Variants in PTPRD observed in about 807,000 individuals in gnomAD.
PTPRD encodes the protein protein tyrosine phosphatase receptor type D.
PTPRD carries 34 observed loss-of-function variants against 214.5 expected under a neutral mutation model. The observed-to-expected ratio is 0.16, with a 90% CI of 0.12 to 0.21. The LOEUF (loss-of-function observed/expected upper bound fraction) is 0.21, where lower values mean the gene tolerates loss of function less well. Ranked by LOEUF, PTPRD falls within the 10% of genes least tolerant of loss-of-function variation. The pLI is 1.00. For missense variants in PTPRD, 2,545 were observed against 2,398.7 expected, an observed-to-expected ratio of 1.06 and a Z score of -1.27; for synonymous variants, 1,128 against 845.7, an observed-to-expected ratio of 1.33 and a Z score of -5.79.
At chr9:10,489,449 C>T (rs2099153736) in intron 2 of PTPRD, among the ~76,000 whole-genome samples, 2 of 152,144 alleles carry the variant, frequency 1.3e-5, no homozygotes, top group South Asian at 4.1e-4. Context: ...TGACAGCAAT[C>T]CCTTAGCTGA....
intron 10 of PTPRD, among the ~76,000 whole-genome samples, chr9:9,031,331 G>C (rs2099604717): frequency 1.3e-5 from 2 of 152,100 alleles, no homozygotes; most frequent in African/African-American, 2.4e-5. Context: ...CGCATTGTTA[G>C]GCAATTCTGT....
intron 2 of PTPRD, among the ~76,000 whole-genome samples, chr9:10,387,095 C>G (rs1184233719): frequency 6.6e-6 from 1 of 151,828 alleles, no homozygotes; most frequent in Non-Finnish European, 1.5e-5. Flanking sequence ...TCGCAAGAAT[C>G]TCCAGAAAGG....
intron 5 of PTPRD, among the ~76,000 whole-genome samples, chr9:9,827,933 G>A (rs1276978758): frequency 2.6e-5 from 4 of 152,150 alleles, no homozygotes; most frequent in African/African-American, 9.7e-5. Flanking sequence ...TCAGAGAAAT[G>A]CAAATCAAAA....
chr9:9,056,857 C>A (rs1286914894), intron 10 of PTPRD, among the ~76,000 whole-genome samples: 1 of 152,156 alleles, frequency 6.6e-6, no homozygotes, highest in Non-Finnish European at 1.5e-5. Flanking sequence ...TTCTGGTATG[C>A]ATATTAGGGA....
At chr9:9,187,310 T>C (rs1046891588) in intron 9 of PTPRD, among the ~76,000 whole-genome samples, 2 of 152,084 alleles carry the variant, frequency 1.3e-5, no homozygotes, top group African/African-American at 4.8e-5. Context: ...TGTTTGCACA[T>C]ACTTCTCATT....
Position 9,557,856 on chromosome 9 carries a change from T to C in PTPRD, c.-237+16876A>G, listed in dbSNP as rs994632334. Among the ~76,000 whole-genome samples the C allele has an allele frequency of 6.6e-5, 10 of 152,278 alleles. No individual in the cohort carries two copies. The East Asian group carries it at 1.9e-3, about 29-fold the overall frequency. ...GTGGGTGGATGGGCAGAAAGAACAC[T>C]CAGGGGCTATAGGCAGGTGAATATG... On this transcript the variant is annotated intron_variant, in intron 8 of 45. Coordinates refer to ENST00000381196, the MANE Select transcript of PTPRD (RefSeq NM_002839.4).
In PTPRD at chr9:9,593,961, T is replaced by C. The variant is rs141301023; in HGVS notation, c.-286-19180A>G. Among the ~76,000 whole-genome samples, 729 of 152,172 alleles carry C rather than the reference T, an allele frequency of 4.8e-3. 5 individuals carry two copies. The highest frequency in any genetic ancestry group is 9.5e-3 in the Admixed American group (145 of 15,250). ...ATATCTGTAACCTGAGAAAAGGGGA[T>C]TGGAGCCCTGGCTATCTATTGGTAT... On this transcript the variant is annotated intron_variant, in intron 7 of 45. Transcript: ENST00000381196.
intron 3 of PTPRD, among the ~76,000 whole-genome samples, chr9:10,207,074 T>G (rs2099486594): frequency 6.6e-6 from 1 of 152,134 alleles, no homozygotes. Context: ...TCTATCTATA[T>G]CTCTATATGT....
At chr9:8,363,562 C>A (rs1221678494) in intron 39 of PTPRD, among the ~76,000 whole-genome samples, 5 of 151,764 alleles carry the variant, frequency 3.3e-5, no homozygotes, top group African/African-American at 1.2e-4. Flanking sequence ...GACCAAAAAA[C>A]CCTCAGTTTG....
At chr9:10,479,020 T>G (rs1392794757) in intron 2 of PTPRD, among the ~76,000 whole-genome samples, 1 of 152,122 alleles carries the variant, frequency 6.6e-6, no homozygotes, top group African/African-American at 2.4e-5. Flanking sequence ...GATGAAAACT[T>G]TTCAAACATT....
intron 3 of PTPRD, among the ~76,000 whole-genome samples, chr9:10,247,851 T>G (rs1260051165): frequency 6.6e-6 from 1 of 152,140 alleles, no homozygotes; most frequent in Non-Finnish European, 1.5e-5. Context: ...CGCAGTGATA[T>G]GGTTTGTCTC....
chr9:10,248,438 A>G (rs900732818), intron 3 of PTPRD, among the ~76,000 whole-genome samples: 5 of 151,700 alleles, frequency 3.3e-5, no homozygotes, highest in Non-Finnish European at 2.9e-5. Flanking sequence ...ATTCACCAAA[A>G]CAAGAAATGT....
intron 11 of PTPRD, among the ~76,000 whole-genome samples, chr9:8,888,532 G>T (rs1161652251): frequency 1.3e-5 from 2 of 152,140 alleles, no homozygotes; most frequent in East Asian, 3.9e-4. Context: ...TGTCTCCCTC[G>T]TGTGAAACCA....
chr9:8,696,111 A>T (rs1336638992), intron 12 of PTPRD, among the ~76,000 whole-genome samples: 1 of 152,238 alleles, frequency 6.6e-6, no homozygotes. Flanking sequence ...CTTCAGAGGC[A>T]GCAGACCTCA....
At chr9:8,319,726 C>A in intron 45 of PTPRD, 105 bp downstream of exon 45, 1 of 1,374,906 alleles carries the variant, frequency 7.3e-7, no homozygotes, top group South Asian at 1.3e-5. Flanking sequence ...TGATGCTTTC[C>A]CCACAGTATT....
At chr9:9,462,622 T>A (rs2145971378) in intron 8 of PTPRD, among the ~76,000 whole-genome samples, 1 of 152,266 alleles carries the variant, frequency 6.6e-6, no homozygotes, top group East Asian at 1.9e-4. Context: ...TCTAGTTGCC[T>A]CGTTGTTTTG....
chr9:8,640,248 T>C (rs191670427), intron 12 of PTPRD, among the ~76,000 whole-genome samples: 3 of 152,176 alleles, frequency 2.0e-5, no homozygotes, highest in East Asian at 1.9e-4. Context: ...TTGTGTAATA[T>C]TGACAAGTAT....
intron 11 of PTPRD, among the ~76,000 whole-genome samples, chr9:8,850,898 G>A (rs535831038): frequency 1.1e-3 from 167 of 152,334 alleles, no homozygotes; most frequent in Non-Finnish European, 1.8e-3. Flanking sequence ...GAGGAAGGAA[G>A]ACGGAGAAAA....
At chr9:8,923,513 G>C (rs1422694432) in intron 11 of PTPRD, among the ~76,000 whole-genome samples, 2 of 152,074 alleles carry the variant, frequency 1.3e-5, no homozygotes, top group African/African-American at 4.8e-5. Flanking sequence ...CAAAGGATCA[G>C]GGAACTAAGT....
Sources: allele counts gnomAD v4.1 joint callset (sites outside exome capture counted in the v4.1 genomes callset), GRCh38; gene constraint gnomAD v4.1.1; transcripts MANE v1.5; gene names NCBI Gene and HGNC (gene_info 2026-07-23, HGNC 2026-07-21).